The following DGKB variants were observed in gnomAD, a reference collection of about 807,000 sequenced individuals.
The protein encoded by DGKB is 90 kDa diacylglycerol kinase.
Under a neutral mutation model 114.3 loss-of-function variants are expected in DGKB, and 67 were observed. The ratio of observed to expected loss-of-function variants is 0.59; its 90% CI spans 0.48 to 0.72. The LOEUF (loss-of-function observed/expected upper bound fraction) is 0.72, where lower values mean the gene tolerates loss of function less well. Ranked by LOEUF, DGKB falls within the 30% of genes least tolerant of loss-of-function variation. The pLI, the probability that DGKB is intolerant of heterozygous loss-of-function variation, is 0.00. For missense variants in DGKB, 907 were observed against 975.2 expected, an observed-to-expected ratio of 0.93 and a Z score of 0.93; for synonymous variants, 398 against 323.1, an observed-to-expected ratio of 1.23 and a Z score of -2.49.
At chr7:14,444,531 A>G (rs899424951) in intron 21 of DGKB, among the ~76,000 whole-genome samples, 2 of 151,852 alleles carry the variant, frequency 1.3e-5, no homozygotes, top group Non-Finnish European at 2.9e-5. Context: ...TGATTTCTCT[A>G]AACTTCAGTT....
chr7:14,606,051 C>T (rs1199045665), intron 17 of DGKB, among the ~76,000 whole-genome samples: 6 of 152,088 alleles, frequency 3.9e-5, no homozygotes, highest in Non-Finnish European at 5.9e-5. Context: ...TTTGATTCAA[C>T]TTACAGGGGT....
intron 19 of DGKB, among the ~76,000 whole-genome samples, chr7:14,577,701 G>A (rs574352646): frequency 1.3e-4 from 20 of 152,108 alleles, no homozygotes; most frequent in Non-Finnish European, 2.4e-4. Flanking sequence ...TTAAATTTTT[G>A]TTAAGAGAGA....
intron 21 of DGKB, among the ~76,000 whole-genome samples, chr7:14,456,900 C>T (rs1227704600): frequency 1.3e-5 from 2 of 152,058 alleles, no homozygotes; most frequent in African/African-American, 2.4e-5. Flanking sequence ...CTTAAATAAT[C>T]ATCATCTTTG....
intron 6 of DGKB, among the ~76,000 whole-genome samples, chr7:14,705,865 CA>C (rs1326248128): frequency 2.0e-5 from 3 of 151,880 alleles, no homozygotes; most frequent in African/African-American, 7.3e-5. Context: ...AAAATCATGC[CA>C]AAATGTAAAG....
intron 1 of DGKB, among the ~76,000 whole-genome samples, chr7:14,869,748 A>C (rs1852189442): frequency 6.6e-6 from 1 of 152,064 alleles, no homozygotes; most frequent in African/African-American, 2.4e-5. Context: ...TTCAACAGTT[A>C]TATACACAAT....
intron 17 of DGKB, among the ~76,000 whole-genome samples, chr7:14,595,986 A>G (rs1802511215): frequency 6.6e-6 from 1 of 152,116 alleles, no homozygotes. Context: ...TTTTTGTTCA[A>G]TGACTAACCT....
chr7:14,471,924 T>A (rs184867781), intron 21 of DGKB, among the ~76,000 whole-genome samples: 1 of 152,176 alleles, frequency 6.6e-6, no homozygotes, highest in East Asian at 1.9e-4. Context: ...CAGAAATAAA[T>A]CACATACTTC....
intron 21 of DGKB, among the ~76,000 whole-genome samples, chr7:14,356,543 AGT>A (rs907648902): frequency 2.6e-5 from 4 of 151,346 alleles, no homozygotes; most frequent in Non-Finnish European, 4.4e-5. Context: ...TTGTATTTTT[AGT>A]AGAGATGGGT....
intron 2 of DGKB, among the ~76,000 whole-genome samples, chr7:14,837,276 C>T (rs539200316): frequency 2.2e-4 from 34 of 152,214 alleles, no homozygotes; most frequent in African/African-American, 8.2e-4. Flanking sequence ...TAAGAAAAGC[C>T]TAGCATTTAG....
At chr7:14,312,155 T>C (rs555425747) in intron 23 of DGKB, among the ~76,000 whole-genome samples, 15 of 152,360 alleles carry the variant, frequency 9.8e-5, no homozygotes, top group Non-Finnish European at 1.8e-4. Flanking sequence ...AATACACTTA[T>C]AGAGTTTTAA....
intron 21 of DGKB, among the ~76,000 whole-genome samples, chr7:14,371,984 T>A (rs539626241): frequency 6.6e-6 from 1 of 152,190 alleles, no homozygotes; most frequent in Non-Finnish European, 1.5e-5. Context: ...TGACTTTGTA[T>A]GCACCTGGAT....
intron 1 of DGKB, among the ~76,000 whole-genome samples, chr7:14,941,704 TCA>T (rs1785581409): frequency 6.6e-6 from 1 of 151,818 alleles, no homozygotes; most frequent in Admixed American, 6.6e-5. Context: ...GCAAAAGGAG[TCA>T]GTTCCTAATC....
chr7:14,324,320 G>A (rs989295000), intron 23 of DGKB, among the ~76,000 whole-genome samples: 3 of 151,650 alleles, frequency 2.0e-5, no homozygotes, highest in African/African-American at 4.8e-5. Context: ...GGTGGCATGC[G>A]CCTATAATCC....
chr7:14,447,534 G>T (rs189007238), intron 21 of DGKB, among the ~76,000 whole-genome samples: 94 of 152,158 alleles, frequency 6.2e-4, no homozygotes, highest in African/African-American at 2.1e-3. Flanking sequence ...AATTTGTGAA[G>T]ATATTTATTT....
chr7:14,962,812 C>T (rs902558598), intron 1 of DGKB, among the ~76,000 whole-genome samples: 20 of 152,066 alleles, frequency 1.3e-4, no homozygotes, highest in African/African-American at 4.8e-4. Flanking sequence ...GTCACAGCTA[C>T]TAATGTATAA....
intron 1 of DGKB, among the ~76,000 whole-genome samples, chr7:14,928,910 A>G (rs1205125732): frequency 6.6e-6 from 1 of 151,972 alleles, no homozygotes; most frequent in African/African-American, 2.4e-5. Flanking sequence ...TCTAACTTAC[A>G]AATGAGAACA....
chr7:14,258,202 C>G (rs38285), intron 23 of DGKB, among the ~76,000 whole-genome samples: 82,403 of 152,036 alleles, frequency 0.54, 24,461 homozygotes, highest in East Asian at 0.99. Flanking sequence ...TAGAACAGTA[C>G]GACTTTGTGA....
intron 23 of DGKB, among the ~76,000 whole-genome samples, chr7:14,242,227 T>C (rs1393149360): frequency 6.6e-6 from 1 of 152,174 alleles, no homozygotes; most frequent in Admixed American, 6.5e-5. Flanking sequence ...TCTTCCAGTG[T>C]AGACTGAGTT....
chr7:14,288,234 A>ATTTTTT (rs1357871823), intron 23 of DGKB, among the ~76,000 whole-genome samples: 2 of 75,778 alleles, frequency 2.6e-5, no homozygotes, highest in Non-Finnish European at 5.5e-5. Flanking sequence ...TTTTTTTTTA[A>ATTTTTT]TTTTTTTTTT....
Sources: gnomAD v4.1 joint callset for allele counts (sites outside exome capture counted in the v4.1 genomes callset) on GRCh38, gnomAD v4.1.1 for gene constraint, MANE v1.5 for transcripts, NCBI Gene and HGNC (gene_info 2026-07-23, HGNC 2026-07-21) for gene names.